ZNF66: variants seen among roughly 807,000 people sequenced by gnomAD.
ZNF66 encodes putative zinc finger protein 66.
ZNF66 carries 32 observed loss-of-function variants against 35.2 expected under a neutral mutation model. That is an observed-to-expected ratio of 0.91 (90% CI 0.69 to 1.22). The LOEUF is 1.22. Ranked by LOEUF, ZNF66 falls within the 50% of genes most tolerant of loss-of-function variation. ZNF66 has a pLI of 0.00. For missense variants in ZNF66, 666 were observed against 543.1 expected (o/e 1.23, Z -2.25); for synonymous variants, 231 against 181.3 (o/e 1.27, Z -2.20).
rs557096657 is a variant in ZNF66 at position 20,778,423 on chromosome 19, T to G, written c.3+1973T>G. On this transcript the variant is annotated intron_variant, in intron 1 of 3. Transcript: ENST00000344519. ...CCTACTGCATTATTTTTAAGATAAA[T>G]AATAAAATAATACATACATTGTCTG... Among the ~76,000 whole-genome samples the G allele has an allele frequency of 2.6e-5, 4 of 152,330 alleles. No individual in the cohort carries two copies. The South Asian group carries it at 8.3e-4, about 32-fold the overall frequency.
intron 1 of ZNF66, among the ~76,000 whole-genome samples, chr19:20,785,656 G>A (rs898378260): frequency 1.3e-5 from 2 of 152,098 alleles, no homozygotes. Context: ...AATTTTATAA[G>A]AAAGCCATTT....
At chr19:20,785,103 T>A (rs1161956856) in intron 1 of ZNF66, 2 of 152,224 alleles carry the variant, frequency 1.3e-5, no homozygotes, top group Non-Finnish European at 2.9e-5. Context: ...ATTGTGAAGA[T>A]ATGATTCTAC....
intron 1 of ZNF66, among the ~76,000 whole-genome samples, chr19:20,787,698 G>T (rs557843502): frequency 4.6e-5 from 7 of 152,290 alleles, no homozygotes; most frequent in African/African-American, 1.7e-4. Context: ...GTGTAAATAA[G>T]CATCTTAGGC....
intron 3 of ZNF66, among the ~76,000 whole-genome samples, chr19:20,803,631 A>G (rs1971472316): frequency 6.6e-6 from 1 of 152,106 alleles, no homozygotes; most frequent in Admixed American, 6.6e-5. Context: ...CACCATTATG[A>G]TAATGTTAAG....
intron 3 of ZNF66, among the ~76,000 whole-genome samples, chr19:20,803,007 A>G (rs926972186): frequency 6.9e-6 from 1 of 144,502 alleles, no homozygotes; most frequent in Non-Finnish European, 1.5e-5. Flanking sequence ...TTTCTTACTT[A>G]AGATGCAGCT....
chr19:20,796,966 TCA>T (rs1311603076), intron 3 of ZNF66, among the ~76,000 whole-genome samples: 2 of 152,064 alleles, frequency 1.3e-5, no homozygotes, highest in Non-Finnish European at 2.9e-5. Flanking sequence ...TTCTCATGCC[TCA>T]GTCTCTCAAG....
intron 1 of ZNF66, among the ~76,000 whole-genome samples, chr19:20,778,835 C>T (rs1457273779): frequency 6.7e-6 from 1 of 148,382 alleles, no homozygotes; most frequent in Non-Finnish European, 1.5e-5. Flanking sequence ...CTTATGTAAA[C>T]ACTGCGTTTG....
chr19:20,776,546 C>T (rs1971196223), intron 1 of ZNF66, 96 bp downstream of exon 1: 4 of 1,412,172 alleles, frequency 2.8e-6, no homozygotes, highest in South Asian at 1.2e-5. Flanking sequence ...ACCCCGAATT[C>T]TCCTTACCCA....
In ZNF66 at chr19:20,807,278, A is replaced by G. The variant is rs748079377; in HGVS notation, c.1678A>G (p.Met560Val). ...SNLSRHEIIH[M>V]GGNPYKCENV... Reference sequence around the variant, plus strand: ...CCTTAGTAGACATGAGATAATTCATATGGGAGGGAATCCCTACAAATGTGA... The same window carrying G: ...CCTTAGTAGACATGAGATAATTCATGTGGGAGGGAATCCCTACAAATGTGA... Residue 560 changes from methionine (M) to valine (V), a missense_variant, in exon 4 of 4, where the codon ATG (methionine) becomes GTG (valine). Coordinates refer to ENST00000344519, the MANE Select transcript of ZNF66 (RefSeq NM_001355197.2). The G allele has an allele frequency of 5.9e-6, 4 of 674,660 alleles. No homozygotes were observed. Among genetic ancestry groups the G allele is most frequent in the South Asian group, 5.5e-5 (3 of 54,972 alleles). 41.8% of individuals were successfully genotyped at this position (674,660 alleles called of 1,614,324 possible).
chr19:20,790,419 T>G (rs1240110275), intron 1 of ZNF66, among the ~76,000 whole-genome samples: 2 of 152,140 alleles, frequency 1.3e-5, no homozygotes, highest in Non-Finnish European at 2.9e-5. Flanking sequence ...GGGCCTATTC[T>G]ATTTGGGTTT....
In ZNF66 at chr19:20,808,198, G is replaced by A. The variant is rs536900034; in HGVS notation, c.*876G>A. 6.6e-6 allele frequency among the ~76,000 whole-genome samples: 1 copy of A among 152,312 alleles called. No homozygotes were observed. The highest frequency in any genetic ancestry group is 1.9e-4 in the East Asian group (1 of 5,160). ...TGCCCAGGCTTGCTTAGGTAAAGCA[G>A]CTGGGAAGCTAGAACTGGGTGGAGC... is the stretch of plus-strand genomic sequence containing the variant. On this transcript the variant is annotated 3_prime_UTR_variant, in exon 4 of 4. Coordinates refer to ENST00000344519, the MANE Select transcript of ZNF66 (RefSeq NM_001355197.2).
intron 1 of ZNF66, among the ~76,000 whole-genome samples, chr19:20,778,778 G>C (rs1423140774): frequency 7.5e-6 from 1 of 133,406 alleles, no homozygotes; most frequent in Non-Finnish European, 1.6e-5. Flanking sequence ...GTGAGACTTC[G>C]TCTCAAAAAA....
At chr19:20,781,244 T>C (rs1195008400) in intron 1 of ZNF66, among the ~76,000 whole-genome samples, 1 of 152,222 alleles carries the variant, frequency 6.6e-6, no homozygotes, top group African/African-American at 2.4e-5. Context: ...ATTTTAGCTT[T>C]TATTTTTGAT....
Position 20,806,832 on chromosome 19 carries a change from C to A in ZNF66, c.1232C>A (p.Pro411His). The A allele has an allele frequency of 7.6e-7, 1 of 1,315,396 alleles. No individual in the cohort carries two copies. Among genetic ancestry groups the A allele is most frequent in the Non-Finnish European group, 1.1e-6 (1 of 912,432 alleles). 81.5% of individuals were successfully genotyped at this position (1,315,396 alleles called of 1,614,324 possible). A position where few individuals can be genotyped will look rare whatever the true frequency, so the allele number is the denominator to read the frequency against. Residue 411 changes from proline (P) to histidine (H), a missense_variant, in exon 4 of 4, where the codon CCC becomes CAC. Coordinates refer to ENST00000344519, the MANE Select transcript of ZNF66 (RefSeq NM_001355197.2). ...ECGKVFKHSS[P>H]LSKHKRIHTG... ...GGCAAAGTGTTTAAGCACTCCTCTC[C>A]CCTTTCTAAACATAAGAGAATTCAT...
chr19:20,802,054 T>G (rs1283433094), intron 3 of ZNF66, among the ~76,000 whole-genome samples: 1 of 152,164 alleles, frequency 6.6e-6, no homozygotes, highest in Admixed American at 6.5e-5. Flanking sequence ...AGCTAATATA[T>G]GTGCTGCCTT....
chr19:20,799,905 T>A (rs2144911297), intron 3 of ZNF66, among the ~76,000 whole-genome samples: 1 of 152,252 alleles, frequency 6.6e-6, no homozygotes, highest in East Asian at 1.9e-4. Flanking sequence ...TGTTGAAGAG[T>A]GTGTTTCATA....
rs879637768 is a variant in ZNF66, at chr19:20,793,327, C to CTTTTTTTTTTTTTTTTTTTTTTTTTT, written c.131-452_131-451insTTTTTTTTTTTTTTTTTTTTTTTTTT. 1.9e-4 allele frequency among the ~76,000 whole-genome samples: 14 copies of CTTTTTTTTTTTTTTTTTTTTTTTTTT among 74,724 alleles called. 2 individuals carry two copies. The highest frequency in any genetic ancestry group is 2.8e-4 in the Non-Finnish European group (11 of 38,972). 49.0% of individuals were successfully genotyped at this position (74,724 alleles called of 152,430 possible). A position where few individuals can be genotyped will look rare whatever the true frequency, so the allele number is the denominator to read the frequency against. ...CTTTTCTTTTCTTTTCTTTTCTTTT[C>CTTTTTTTTTTTTTTTTTTTTTTTTTT]TTTTCTTTTTTTTTTTTTTTTGAGA... On this transcript the variant is annotated intron_variant, in intron 2 of 3. Transcript: ENST00000344519.
intron 1 of ZNF66, among the ~76,000 whole-genome samples, chr19:20,788,652 G>A (rs545233064): frequency 1.2e-4 from 18 of 152,022 alleles, no homozygotes; most frequent in South Asian, 4.2e-4. Flanking sequence ...ATCTACCCGC[G>A]TCATCCTCCT....
chr19:20,797,810 C>T (rs942698587), intron 3 of ZNF66, among the ~76,000 whole-genome samples: 15 of 152,104 alleles, frequency 9.9e-5, no homozygotes, highest in Non-Finnish European at 1.8e-4. Context: ...GATTTGCACA[C>T]CTCAGCCTCC....
Sources: allele counts gnomAD v4.1 joint callset (sites outside exome capture counted in the v4.1 genomes callset), GRCh38; gene constraint gnomAD v4.1.1; transcripts MANE v1.5; gene names NCBI Gene and HGNC (gene_info 2026-07-23, HGNC 2026-07-21).